Variants in PCDHB13 observed in about 807,000 individuals in gnomAD.
PCDHB13 encodes protocadherin beta 13.
For missense variants in PCDHB13, 1,065 were observed against 1,016.7 expected (o/e 1.05, Z -0.65); for synonymous variants, 515 against 450.7 (o/e 1.14, Z -1.81).
chr5:141,216,274 C>A lies in PCDHB13; in HGVS notation c.2151C>A (p.Ser717Arg). The A allele has an allele frequency of 1.2e-6, 2 of 1,613,796 alleles. No individual in the cohort carries two copies. The highest frequency in any genetic ancestry group is 1.7e-6 in the Non-Finnish European group (2 of 1,180,008). ...TGGCGGTGCGGCTGTGTAGGAGGAG[C>A]AGGGCGGCCTCGGTGGGTCGCTGCT... ...LFVAVRLCRR[S>R]RAASVGRCLV... Residue 717 changes from serine (S) to arginine (R), a missense_variant, in exon 1 of 1, where the codon AGC becomes AGA. Transcript: ENST00000341948.
In PCDHB13 at chr5:141,215,568, C is replaced by T. The variant is rs1343404424; in HGVS notation, c.1445C>T (p.Thr482Ile). 12 of 1,613,506 alleles carry T rather than the reference C, an allele frequency of 7.4e-6. No individual in the cohort carries two copies. Among genetic ancestry groups the T allele is most frequent in the African/African-American group, 6.7e-5 (5 of 74,910 alleles). Residue 482 changes from threonine (T) to isoleucine (I), a missense_variant, in exon 1 of 1, where the codon ACC becomes ATC. Coordinates refer to ENST00000341948, the MANE Select transcript of PCDHB13 (RefSeq NM_018933.4). The stretch of plus-strand genomic sequence containing the variant: ...AGCGCTACAGACAGAGACTCAGGCA[C>T]CAACGCCCAGGTCACCTACTCGCTG... ...SVSATDRDSG[T>I]NAQVTYSLLP...
In PCDHB13 at chr5:141,215,042, CA is replaced by C. The variant is rs782563708; in HGVS notation, c.921del (p.Gln307HisfsTer29). 6.2e-7 allele frequency: 1 copy of C among 1,614,020 alleles called. No homozygotes were observed. Among genetic ancestry groups the C allele is most frequent in the African/African-American group, 1.3e-5 (1 of 75,010 alleles). On this transcript the variant is annotated frameshift_variant, in exon 1 of 1. Transcript: ENST00000341948. LOFTEE classifies it low-confidence loss of function (END_TRUNC). ...PLTGEIELKKQLDFEKLQSYE... is the reference protein window; with the variant it reads ...PLTGEIELKKXLDFEKLQSYE... ...GACAGGAGAAATTGAACTAAAAAAA[CA>C]ACTCGATTTCGAAAAACTTCAGTCC...
In PCDHB13 at chr5:141,216,222, T is replaced by C. The variant is rs1754606834; in HGVS notation, c.2099T>C (p.Leu700Pro). ...GTGGCGTTGGCCTCGGTGTCTTCGC[T>C]CTTCCTCTTTTCGGTGCTCCTGTTC... ...LVVALASVSS[L>P]FLFSVLLFVA... Residue 700 changes from leucine (L) to proline (P), a missense_variant, in exon 1 of 1, where the codon CTC becomes CCC. By Grantham distance (98) the Leu-to-Pro change is moderately conservative (BLOSUM62 -3). Transcript: ENST00000341948. 6.2e-7 allele frequency: 1 copy of C among 1,612,902 alleles called. No homozygotes were observed. Among genetic ancestry groups the C allele is most frequent in the Admixed American group, 1.7e-5 (1 of 60,026 alleles).
In PCDHB13 at chr5:141,215,808, T is replaced by G; in HGVS notation, c.1685T>G (p.Leu562Arg). The change falls in exon 1 of 1, where the codon CTG (leucine) becomes CGG (arginine). Residue 562 changes from leucine to arginine, a missense_variant. Physicochemically the swap from Leu to Arg is moderately radical, Grantham distance 102. Transcript: ENST00000341948. ...LDANDNSPFVLYPLQNGSAPC... is the reference protein window; with the variant it reads ...LDANDNSPFVRYPLQNGSAPC... ...GCCAACGACAACTCGCCCTTCGTGC[T>G]GTACCCGCTGCAGAACGGCTCCGCG... 6.2e-7 allele frequency: 1 copy of G among 1,611,306 alleles called. No individual in the cohort carries two copies. The highest frequency in any genetic ancestry group is 1.1e-5 in the South Asian group (1 of 90,964).
In PCDHB13 at chr5:141,215,554, CAG is replaced by C. The variant is rs782160320; in HGVS notation, c.1435_1436del (p.Asp479LeufsTer236). 8 of 1,613,768 alleles carry C rather than the reference CAG, an allele frequency of 5.0e-6. No individual in the cohort carries two copies. The highest frequency in any genetic ancestry group is 2.2e-5 in the East Asian group (1 of 44,864). ...ACATCCGCAGCGTCAGCGCTACAGA[CAG>C]AGACTCAGGCACCAACGCCCAGGTC... is the stretch of plus-strand genomic sequence containing the variant. Reference protein sequence around the residue: ...LHIRSVSATDRDSGTNAQVTY... With the variant: ...LHIRSVSATDXDSGTNAQVTY... On this transcript the variant is annotated frameshift_variant, in exon 1 of 1. Coordinates refer to ENST00000341948, the MANE Select transcript of PCDHB13 (RefSeq NM_018933.4). LOFTEE classifies it low-confidence loss of function (END_TRUNC).
Position 141,217,727 on chromosome 5 carries a change from C to G in PCDHB13, c.*1207C>G, listed in dbSNP as rs1368240668. On this transcript the variant is annotated 3_prime_UTR_variant, in exon 1 of 1. Coordinates refer to ENST00000341948, the MANE Select transcript of PCDHB13 (RefSeq NM_018933.4). Reference sequence around the variant, plus strand: ...GACACACTATGTAAGAAAAAGACTTCAAGGTTGGAGGAGGAGATTTTCCAT... The same window carrying G: ...GACACACTATGTAAGAAAAAGACTTGAAGGTTGGAGGAGGAGATTTTCCAT... The G allele has an allele frequency of 6.0e-6, 1 of 166,950 alleles. No individual in the cohort carries two copies. Among genetic ancestry groups the G allele is most frequent in the Admixed American group, 6.5e-5 (1 of 15,278 alleles). The allele number at this position is 166,950 out of a possible 1,614,324, so 10.3% of individuals were successfully genotyped here.
In PCDHB13 at chr5:141,216,456, G is replaced by A; in HGVS notation, c.2333G>A (p.Cys778Tyr). 1 of 1,614,102 alleles carries A rather than the reference G, an allele frequency of 6.2e-7. No homozygotes were observed. Among genetic ancestry groups the A allele is most frequent in the Admixed American group, 1.7e-5 (1 of 60,006 alleles). Residue 778 changes from cysteine (C) to tyrosine (Y), a missense_variant, in exon 1 of 1, where the codon TGC becomes TAC. Cys to Tyr is a radical substitution (Grantham distance 194). Transcript: ENST00000341948. ...KPIIPNFPPQ[C>Y]PGKEIQGNST... Reference sequence around the variant, plus strand: ...ATTATCCCCAACTTCCCTCCCCAGTGCCCTGGGAAAGAAATACAAGGAAAT... The same window carrying A: ...ATTATCCCCAACTTCCCTCCCCAGTACCCTGGGAAAGAAATACAAGGAAAT...
rs1554287686 is a variant in PCDHB13, at chr5:141,214,705, G to A, written c.582G>A (p.Glu194=). 21 of 1,614,154 alleles carry A rather than the reference G, an allele frequency of 1.3e-5. No individual in the cohort carries two copies. Among genetic ancestry groups the A allele is most frequent in the Non-Finnish European group, 1.8e-5 (21 of 1,180,012 alleles). Residue 194 remains glutamate, a synonymous_variant, in exon 1 of 1, where the codon GAG becomes GAA. Coordinates refer to ENST00000341948, the MANE Select transcript of PCDHB13 (RefSeq NM_018933.4). ...RKRSDGRKYP[E]LVLDKALDRE... ...GCAGTGATGGCAGGAAATACCCAGA[G>A]CTGGTGCTGGACAAAGCGCTGGACC...
At position 141,215,081 on chromosome 5, in the gene PCDHB13, A is replaced by T; in HGVS notation, c.958A>T (p.Ile320Phe). The change falls in exon 1 of 1, where the codon ATT becomes TTT. Residue 320 changes from isoleucine (I) to phenylalanine (F), a missense_variant. Ile to Phe is a conservative substitution (Grantham distance 21, BLOSUM62 0). Transcript: ENST00000341948. ...FEKLQSYEVN[I>F]EARDAGTFSG... Reference sequence around the variant, plus strand: ...AAAACTTCAGTCCTATGAAGTCAATATTGAGGCAAGAGATGCTGGAACCTT... The same window carrying T: ...AAAACTTCAGTCCTATGAAGTCAATTTTGAGGCAAGAGATGCTGGAACCTT... The T allele has an allele frequency of 6.2e-7, 1 of 1,614,192 alleles. No homozygotes were observed. Among genetic ancestry groups the T allele is most frequent in the Non-Finnish European group, 8.5e-7 (1 of 1,180,024 alleles).
At position 141,216,697 on chromosome 5, in the gene PCDHB13, G is replaced by A; in HGVS notation, c.*177G>A. On this transcript the variant is annotated 3_prime_UTR_variant, in exon 1 of 1. Coordinates refer to ENST00000341948, the MANE Select transcript of PCDHB13 (RefSeq NM_018933.4). ...TACCTTTATTCCTGGTTCTTAAAAG[G>A]TGACAATTCATTCTTTAACCCAGAT... The A allele has an allele frequency of 2.7e-6, 2 of 741,508 alleles. No homozygotes were observed. Among genetic ancestry groups the A allele is most frequent in the South Asian group, 1.5e-5 (1 of 65,586 alleles). 45.9% of individuals were successfully genotyped at this position (741,508 alleles called of 1,614,324 possible). A position where few individuals can be genotyped will look rare whatever the true frequency, so the allele number is the denominator to read the frequency against.
chr5:141,218,368 T>C lies in PCDHB13; in HGVS notation c.*1848T>C, dbSNP rs1190067555. ...AGCATATCTAAGACAACCTAATGTT[T>C]ATACTTCTGACTCAGATTTCACTAC... On this transcript the variant is annotated 3_prime_UTR_variant, in exon 1 of 1. Coordinates refer to ENST00000341948, the MANE Select transcript of PCDHB13 (RefSeq NM_018933.4). 7.8e-5 allele frequency: 13 copies of C among 167,090 alleles called. No homozygotes were observed. The highest frequency in any genetic ancestry group is 3.1e-4 in the African/African-American group (13 of 41,416). The allele number at this position is 167,090 out of a possible 1,614,324, so 10.4% of individuals were successfully genotyped here. A position where few individuals can be genotyped will look rare whatever the true frequency, so the allele number is the denominator to read the frequency against.
rs782214767 is a variant in PCDHB13, at chr5:141,215,119, C to T, written c.996C>T (p.Cys332=). 6.2e-6 allele frequency: 10 copies of T among 1,614,026 alleles called. No homozygotes were observed. In the African/African-American group the frequency reaches 1.3e-4, roughly 22 times the overall value. The change falls in exon 1 of 1, where the codon TGC becomes TGT. Residue 332 remains cysteine (C), a synonymous_variant. Coordinates refer to ENST00000341948, the MANE Select transcript of PCDHB13 (RefSeq NM_018933.4). ...ATGCTGGAACCTTTTCTGGAAAATG[C>T]ACCGTTCTGATTCAAGTGATAGATG... ...ARDAGTFSGK[C]TVLIQVIDVN...
At position 141,215,388 on chromosome 5, in the gene PCDHB13, C is replaced by CA; in HGVS notation, c.1265_1266insA (p.Val423CysfsTer3). ...AGAGCGGAATACAACATCACTATCA[C>CA]TGTCACTGACTTGGGGACCCCTATG... On this transcript the variant is annotated frameshift_variant, in exon 1 of 1. Coordinates refer to ENST00000341948, the MANE Select transcript of PCDHB13 (RefSeq NM_018933.4). LOFTEE classifies it low-confidence loss of function (END_TRUNC). 1 of 1,614,212 alleles carries CA rather than the reference C, an allele frequency of 6.2e-7. No individual in the cohort carries two copies. Among genetic ancestry groups the CA allele is most frequent in the South Asian group, 1.1e-5 (1 of 91,080 alleles).
At position 141,216,573 on chromosome 5, in the gene PCDHB13, C is replaced by A. The variant is rs537408448; in HGVS notation, c.*53C>A. 1.4e-6 allele frequency: 2 copies of A among 1,414,006 alleles called. No homozygotes were observed. The highest frequency in any genetic ancestry group is 2.0e-6 in the Non-Finnish European group (2 of 997,380). The allele number at this position is 1,414,006 out of a possible 1,614,324, so 87.6% of individuals were successfully genotyped here. On this transcript the variant is annotated 3_prime_UTR_variant, in exon 1 of 1. Coordinates refer to ENST00000341948, the MANE Select transcript of PCDHB13 (RefSeq NM_018933.4). ...TATTTTATTTTGTGGCATTTCCATG[C>A]CAATGTTTATTTCCCCCAATTTGTG...
Position 141,216,737 on chromosome 5 carries a change from A to G in PCDHB13, c.*217A>G. On this transcript the variant is annotated 3_prime_UTR_variant, in exon 1 of 1. Coordinates refer to ENST00000341948, the MANE Select transcript of PCDHB13 (RefSeq NM_018933.4). ...TTAACCCAGATGGTCTTAATTTGTA[A>G]TTAATTTGCCTCCCTAAAGAGCAAT... is the stretch of plus-strand genomic sequence containing the variant. The G allele has an allele frequency of 1.5e-6, 1 of 647,982 alleles. No homozygotes were observed. The highest frequency in any genetic ancestry group is 2.8e-6 in the Non-Finnish European group (1 of 355,846). The allele number at this position is 647,982 out of a possible 1,614,324, so 40.1% of individuals were successfully genotyped here.
rs1754642407 is a variant in PCDHB13, at chr5:141,217,428, CT to C, written c.*913del. The C allele has an allele frequency of 6.0e-6, 1 of 166,924 alleles. No homozygotes were observed. The highest frequency in any genetic ancestry group is 1.5e-5 in the Non-Finnish European group (1 of 68,104). The allele number at this position is 166,924 out of a possible 1,614,324, so 10.3% of individuals were successfully genotyped here. ...TAAATGCTTGTGAACAATGCTTAGT[CT>C]TTTTATGACATAATTTGAAATTACC... is the stretch of plus-strand genomic sequence containing the variant. On this transcript the variant is annotated 3_prime_UTR_variant, in exon 1 of 1. Transcript: ENST00000341948.
In PCDHB13 at chr5:141,215,371, A is replaced by T. The variant is rs1237985025; in HGVS notation, c.1248A>T (p.Glu416Asp). ...CACTAGACAGAGAAAGCAGAGCGGAATACAACATCACTATCACTGTCACTG... is the reference window on the plus strand; with the variant it reads ...CACTAGACAGAGAAAGCAGAGCGGATTACAACATCACTATCACTGTCACTG... Reference protein sequence around the residue: ...ERPLDRESRAEYNITITVTDL... With the variant: ...ERPLDRESRADYNITITVTDL... The change falls in exon 1 of 1, where the codon GAA becomes GAT. Residue 416 changes from glutamate (E) to aspartate (D), a missense_variant. Transcript: ENST00000341948. 1 of 1,614,194 alleles carries T rather than the reference A, an allele frequency of 6.2e-7. No homozygotes were observed.
Position 141,215,407 on chromosome 5 carries a change from C to T in PCDHB13, c.1284C>T (p.Thr428=). 6.2e-7 allele frequency: 1 copy of T among 1,614,168 alleles called. No homozygotes were observed. The highest frequency in any genetic ancestry group is 8.5e-7 in the Non-Finnish European group (1 of 1,180,034). Reference sequence around the variant, plus strand: ...CTATCACTGTCACTGACTTGGGGACCCCTATGCTGATAACACAGCTCAATA... The same window carrying T: ...CTATCACTGTCACTGACTTGGGGACTCCTATGCTGATAACACAGCTCAATA... ...NITITVTDLG[T]PMLITQLNMT... Residue 428 remains threonine (T), a synonymous_variant, in exon 1 of 1, where the codon ACC becomes ACT. Transcript: ENST00000341948.
chr5:141,216,670 T>A lies in PCDHB13; in HGVS notation c.*150T>A. ...TTCTCCCTTTGTTTTAAAGTGAACA[T>A]TTACCTTTATTCCTGGTTCTTAAAA... On this transcript the variant is annotated 3_prime_UTR_variant, in exon 1 of 1. Transcript: ENST00000341948. The A allele has an allele frequency of 1.3e-6, 1 of 794,094 alleles. No homozygotes were observed. The highest frequency in any genetic ancestry group is 2.5e-5 in the East Asian group (1 of 39,398). The allele number at this position is 794,094 out of a possible 1,614,324, so 49.2% of individuals were successfully genotyped here. A position where few individuals can be genotyped will look rare whatever the true frequency, so the allele number is the denominator to read the frequency against.
Sources: gnomAD v4.1 joint callset for allele counts on GRCh38, gnomAD v4.1.1 for gene constraint, MANE v1.5 for transcripts, NCBI Gene and HGNC (gene_info 2026-07-23, HGNC 2026-07-21) for gene names.